The following IQCM variants were observed in gnomAD, a reference collection of about 807,000 sequenced individuals.
IQCM encodes the protein IQ motif containing M, also known as IQ domain-containing protein M.
Under a neutral mutation model 57.6 loss-of-function variants are expected in IQCM, and 45 were observed. The ratio of observed to expected loss-of-function variants is 0.78; its 90% CI spans 0.62 to 1.00. The LOEUF (loss-of-function observed/expected upper bound fraction) is 1.00. IQCM is among the 50% of genes least tolerant of loss of function. The pLI, the probability that IQCM is intolerant of heterozygous loss-of-function variation, is 0.00. For missense variants in IQCM, 468 were observed against 511.6 expected, an observed-to-expected ratio of 0.91 and a Z score of 0.82; for synonymous variants, 148 against 158.9, an observed-to-expected ratio of 0.93 and a Z score of 0.51.
chr4:149,796,778 T>C (rs959995768), intron 2 of IQCM, among the ~76,000 whole-genome samples: 1 of 152,136 alleles, frequency 6.6e-6, no homozygotes, highest in Non-Finnish European at 1.5e-5. Flanking sequence ...TACCTGGTAA[T>C]GCAAAAAATT....
At chr4:149,554,155 G>T (rs1255039875) in intron 10 of IQCM, among the ~76,000 whole-genome samples, 2 of 152,006 alleles carry the variant, frequency 1.3e-5, no homozygotes, top group African/African-American at 4.8e-5. Context: ...ATTTTTCGCT[G>T]AGTTGGCTTT....
At chr4:149,569,247 C>T (rs1750930363) in intron 9 of IQCM, among the ~76,000 whole-genome samples, 1 of 152,168 alleles carries the variant, frequency 6.6e-6, no homozygotes, top group African/African-American at 2.4e-5. Flanking sequence ...ATAACTGATG[C>T]ATATACTTAG....
chr4:149,472,166 A>G (rs1739637159), intron 12 of IQCM, among the ~76,000 whole-genome samples: 1 of 152,190 alleles, frequency 6.6e-6, no homozygotes, highest in Non-Finnish European at 1.5e-5. Context: ...AATTAGGAAA[A>G]GAGAAAGTCA....
rs1031510386 is a variant in IQCM at position 149,730,215 on chromosome 4, T to C, written c.385+3029A>G. ...TCCCTGTGTCTTATGCTTTACTTTATTGTTGACCAAGTTTAAATAACTCTA... is the reference window on the plus strand; with the variant it reads ...TCCCTGTGTCTTATGCTTTACTTTACTGTTGACCAAGTTTAAATAACTCTA... On this transcript the variant is annotated intron_variant, in intron 5 of 13. Coordinates refer to ENST00000636793, the MANE Select transcript of IQCM (RefSeq NM_001363507.2). Among the ~76,000 whole-genome samples, 9 of 152,294 alleles carry C rather than the reference T, an allele frequency of 5.9e-5. 1 individual carries two copies. Among genetic ancestry groups the C allele is most frequent in the Admixed American group, 6.5e-5 (1 of 15,290 alleles).
intron 6 of IQCM, among the ~76,000 whole-genome samples, chr4:149,683,716 C>T (rs1489399612): frequency 1.3e-5 from 2 of 151,184 alleles, no homozygotes; most frequent in Non-Finnish European, 3.0e-5. Flanking sequence ...ATTTAATCTC[C>T]AAGTTAGAAC....
chr4:149,672,313 A>G (rs1761367295), intron 7 of IQCM, among the ~76,000 whole-genome samples: 1 of 152,162 alleles, frequency 6.6e-6, no homozygotes, highest in African/African-American at 2.4e-5. Context: ...GACGATCGGT[A>G]ATAACAAACT....
chr4:149,474,665 C>T (rs1739985253), intron 12 of IQCM, among the ~76,000 whole-genome samples: 1 of 151,610 alleles, frequency 6.6e-6, no homozygotes, highest in Non-Finnish European at 1.5e-5. Context: ...TGCAGTGAGC[C>T]GAGATCGTGT....
intron 9 of IQCM, among the ~76,000 whole-genome samples, chr4:149,583,888 C>T (rs1015820737): frequency 3.3e-5 from 5 of 150,712 alleles, no homozygotes; most frequent in African/African-American, 1.2e-4. Flanking sequence ...GGATACTATA[C>T]TAAAAAAGAG....
At chr4:149,750,883 T>C (rs1340206540) in intron 2 of IQCM, among the ~76,000 whole-genome samples, 3 of 152,232 alleles carry the variant, frequency 2.0e-5, no homozygotes, top group Non-Finnish European at 4.4e-5. Flanking sequence ...AATAGAATTA[T>C]GCTGTGCTTA....
At chr4:149,586,882 G>C (rs1752695455) in intron 9 of IQCM, among the ~76,000 whole-genome samples, 1 of 151,620 alleles carries the variant, frequency 6.6e-6, no homozygotes, top group African/African-American at 2.4e-5. Context: ...CATAGAAAGA[G>C]AAAAATCTTT....
intron 2 of IQCM, among the ~76,000 whole-genome samples, chr4:149,801,056 T>C (rs1018667828): frequency 5.9e-4 from 90 of 151,660 alleles, no homozygotes; most frequent in African/African-American, 1.7e-3. Context: ...GGCAAAATAT[T>C]TGGGGGCAAA....
At chr4:149,387,379 T>C (rs962010190) in intron 13 of IQCM, among the ~76,000 whole-genome samples, 2 of 152,172 alleles carry the variant, frequency 1.3e-5, no homozygotes, top group Middle Eastern at 3.4e-3. Context: ...TTTCCGATCA[T>C]AGCAGGTGGT....
At chr4:149,514,355 G>A (rs1744724506) in intron 12 of IQCM, among the ~76,000 whole-genome samples, 1 of 152,108 alleles carries the variant, frequency 6.6e-6, no homozygotes, top group South Asian at 2.1e-4. Context: ...ACATTATTAT[G>A]ACCATCTGTA....
At chr4:149,721,128 T>A (rs1379945953) in intron 5 of IQCM, among the ~76,000 whole-genome samples, 1 of 152,106 alleles carries the variant, frequency 6.6e-6, no homozygotes, top group East Asian at 1.9e-4. Context: ...TTTTTTAAAA[T>A]ACACAATAAA....
chr4:149,661,537 T>C (rs1471626434), intron 7 of IQCM, among the ~76,000 whole-genome samples: 1 of 152,140 alleles, frequency 6.6e-6, no homozygotes, highest in Non-Finnish European at 1.5e-5. Context: ...TTTTAGTTCT[T>C]TTTTAAATAT....
At chr4:149,610,580 A>G (rs1246020798) in intron 8 of IQCM, among the ~76,000 whole-genome samples, 1 of 152,012 alleles carries the variant, frequency 6.6e-6, no homozygotes, top group African/African-American at 2.4e-5. Context: ...ATTTACAGTA[A>G]ACTCATTTTC....
intron 12 of IQCM, among the ~76,000 whole-genome samples, chr4:149,471,166 C>T (rs1002944279): frequency 1.3e-5 from 2 of 152,012 alleles, no homozygotes; most frequent in African/African-American, 2.4e-5. Flanking sequence ...TTCAAAAAAT[C>T]AATGAATCCA....
intron 10 of IQCM, among the ~76,000 whole-genome samples, chr4:149,557,360 G>A (rs536505085): frequency 6.6e-6 from 1 of 152,254 alleles, no homozygotes; most frequent in South Asian, 2.1e-4. Context: ...TATGTCACTT[G>A]CAAGATGTCC....
intron 12 of IQCM, among the ~76,000 whole-genome samples, chr4:149,436,135 T>C (rs1412958132): frequency 6.6e-6 from 1 of 152,140 alleles, no homozygotes; most frequent in African/African-American, 2.4e-5. Context: ...GCTCCATTCA[T>C]GTTAAGTGCC....
Sources: allele counts gnomAD v4.1 joint callset (sites outside exome capture counted in the v4.1 genomes callset), GRCh38; gene constraint gnomAD v4.1.1; transcripts MANE v1.5; gene names NCBI Gene and HGNC (gene_info 2026-07-23, HGNC 2026-07-21).